The following ADAMTS16 variants were observed in gnomAD, a reference collection of about 807,000 sequenced individuals.
ADAMTS16 encodes ADAM metallopeptidase with thrombospondin type 1 motif 16.
In ADAMTS16, 94 loss-of-function variants were observed where a neutral mutation model predicts 145.8. The observed-to-expected ratio is 0.64, with a 90% CI of 0.55 to 0.77. ADAMTS16 has a LOEUF of 0.77. Among genes scored for constraint, ADAMTS16 ranks in the 30% least tolerant of loss-of-function variants. The probability of loss-of-function intolerance (pLI) is 0.00; values close to 1 mark genes in which losing one functional copy is unlikely to be tolerated. For missense variants in ADAMTS16, 1,585 were observed against 1,591.5 expected, an observed-to-expected ratio of 1.00 and a Z score of 0.07; for synonymous variants, 659 against 604.3, an observed-to-expected ratio of 1.09 and a Z score of -1.33.
intron 18 of ADAMTS16, among the ~76,000 whole-genome samples, chr5:5,301,806 C>T (rs945971961): frequency 1.1e-4 from 17 of 152,142 alleles, no homozygotes; most frequent in African/African-American, 3.4e-4. Context: ...TCAGCAATGC[C>T]GTAGAGTGGA....
rs1167518351 is a variant in ADAMTS16, at chr5:5,317,288, G to C, written c.3412-846G>C. ...GGATAACTTGTAGGTAACTTTATTG[G>C]CAGGGGGATCTAAGTTTGTTCTTCC... On this transcript the variant is annotated intron_variant, in intron 21 of 22. Coordinates refer to ENST00000274181, the MANE Select transcript of ADAMTS16 (RefSeq NM_139056.4). This position sits in a 1 kb window ranked among gnomAD's most constrained non-coding sequence, Gnocchi z 4.5. Among the ~76,000 whole-genome samples the C allele has an allele frequency of 6.6e-6, 1 of 152,174 alleles. No homozygotes were observed. The highest frequency in any genetic ancestry group is 1.5e-5 in the Non-Finnish European group (1 of 68,044).
chr5:5,300,776 G>C (rs536397019), intron 18 of ADAMTS16, among the ~76,000 whole-genome samples: 51 of 152,222 alleles, frequency 3.4e-4, no homozygotes, highest in African/African-American at 1.2e-3. Context: ...CCAAACCTTG[G>C]CTCTAAAATT....
At position 5,212,300 on chromosome 5, in the gene ADAMTS16, C is replaced by T. The variant is rs575577533; in HGVS notation, c.1605+3054C>T. ...TTGGCTCACTGCAAGCTCTGCCTCCCGGGTTCACGCCATTCTCCTGCCTCA... is the reference window on the plus strand; with the variant it reads ...TTGGCTCACTGCAAGCTCTGCCTCCTGGGTTCACGCCATTCTCCTGCCTCA... On this transcript the variant is annotated intron_variant, in intron 10 of 22. Transcript: ENST00000274181. Among the ~76,000 whole-genome samples, 11 of 151,510 alleles carry T rather than the reference C, an allele frequency of 7.3e-5. No homozygotes were observed. In the East Asian group the frequency reaches 9.7e-4, roughly 13 times the overall value.
At chr5:5,142,080 A>T (rs79023104) in intron 2 of ADAMTS16, 1 of 143,174 alleles carries the variant, frequency 7.0e-6, no homozygotes, top group East Asian at 2.0e-4. Context: ...AAAAAAAAAA[A>T]TTCTAGTTCC....
At chr5:5,189,752 A>G (rs111749689) in intron 6 of ADAMTS16, among the ~76,000 whole-genome samples, 2 of 152,310 alleles carry the variant, frequency 1.3e-5, no homozygotes, top group African/African-American at 4.8e-5. Context: ...ATACATTTCA[A>G]TTGTTTATGT....
rs368078228 is a variant in ADAMTS16, at chr5:5,192,525, G to A, written c.1313+735G>A. ...TCCAAGCAAGAGTTTGGAAGAGTGG[G>A]TACTGACAAGAGATCAGGCAGGCCT... On this transcript the variant is annotated intron_variant, in intron 8 of 22. Coordinates refer to ENST00000274181, the MANE Select transcript of ADAMTS16 (RefSeq NM_139056.4). Among the ~76,000 whole-genome samples, 10 of 152,136 alleles carry A rather than the reference G, an allele frequency of 6.6e-5. No homozygotes were observed. In the East Asian group the frequency reaches 9.6e-4, roughly 15 times the overall value.
chr5:5,279,484 T>C (rs552681822), intron 18 of ADAMTS16, among the ~76,000 whole-genome samples: 108 of 152,294 alleles, frequency 7.1e-4, no homozygotes, highest in African/African-American at 2.5e-3. Flanking sequence ...TCTTACGTGC[T>C]TTAATGGCTT....
intron 3 of ADAMTS16, among the ~76,000 whole-genome samples, chr5:5,166,668 G>A (rs1734892676): frequency 6.6e-6 from 1 of 152,180 alleles, no homozygotes; most frequent in Non-Finnish European, 1.5e-5. Flanking sequence ...AGCTCTCTGA[G>A]GAAGAAGATG....
intron 10 of ADAMTS16, 115 bp from the exon 11 acceptor site, chr5:5,222,674 A>T: frequency 1.2e-6 from 1 of 810,210 alleles, no homozygotes; most frequent in Middle Eastern, 2.8e-4. Context: ...CTAAGTAGGC[A>T]TTCGCTTGTA....
intron 9 of ADAMTS16, among the ~76,000 whole-genome samples, chr5:5,202,385 T>A (rs1254170987): frequency 1.3e-5 from 2 of 152,132 alleles, no homozygotes; most frequent in Non-Finnish European, 2.9e-5. Flanking sequence ...TAAAAAAAAA[T>A]TATATTACCA....
chr5:5,233,624 G>A (rs112438623), intron 12 of ADAMTS16, among the ~76,000 whole-genome samples: 2 of 152,240 alleles, frequency 1.3e-5, no homozygotes, highest in South Asian at 4.1e-4. Context: ...AGCTTATTAA[G>A]GATAAAGGTC....
At position 5,197,182 on chromosome 5, in the gene ADAMTS16, T is replaced by C. The variant is rs545407278; in HGVS notation, c.1314-2950T>C. ...AATGTCTCATGTCCTTAACCACTACTGTCTGAACAGCCTGAAATAAGTGAT... is the reference window on the plus strand; with the variant it reads ...AATGTCTCATGTCCTTAACCACTACCGTCTGAACAGCCTGAAATAAGTGAT... On this transcript the variant is annotated intron_variant, in intron 8 of 22. Coordinates refer to ENST00000274181, the MANE Select transcript of ADAMTS16 (RefSeq NM_139056.4). 3.3e-5 allele frequency among the ~76,000 whole-genome samples: 5 copies of C among 152,362 alleles called. No individual in the cohort carries two copies. In the East Asian group the frequency reaches 9.6e-4, roughly 29 times the overall value.
chr5:5,243,161 T>G (rs1579336767), intron 17 of ADAMTS16, among the ~76,000 whole-genome samples: 1 of 152,142 alleles, frequency 6.6e-6, no homozygotes, highest in Non-Finnish European at 1.5e-5. Context: ...TAACAAAAAG[T>G]TTAAATAGTC....
intron 21 of ADAMTS16, 69 bp downstream of exon 21, chr5:5,306,797 CG>C (rs781573409): frequency 2.8e-6 from 4 of 1,409,924 alleles, no homozygotes; most frequent in Non-Finnish European, 3.8e-6. Flanking sequence ...CGCTGGCTCC[CG>C]GGGATGCTTC....
At chr5:5,188,573 A>C (rs187181800) in intron 6 of ADAMTS16, among the ~76,000 whole-genome samples, 1 of 152,322 alleles carries the variant, frequency 6.6e-6, no homozygotes, top group East Asian at 1.9e-4. Flanking sequence ...GACAGGAGCC[A>C]AGAGCCCAGC....
At chr5:5,160,399 T>C (rs1405245644) in intron 3 of ADAMTS16, among the ~76,000 whole-genome samples, 1 of 152,180 alleles carries the variant, frequency 6.6e-6, no homozygotes, top group East Asian at 1.9e-4. Context: ...AGTGGTGGGC[T>C]CATGCAGTCT....
At position 5,182,147 on chromosome 5, in the gene ADAMTS16, A is replaced by T; in HGVS notation, c.605A>T (p.His202Leu). The change falls in exon 4 of 23, where the codon CAC (histidine) becomes CTC (leucine). Residue 202 changes from histidine to leucine, a missense_variant. Around this residue, in one of 3 missense-constraint regions of ADAMTS16, gnomAD observed 453 missense variants for 412.1 expected, o/e 1.10. Coordinates refer to ENST00000274181, the MANE Select transcript of ADAMTS16 (RefSeq NM_139056.4). ...GCTGCCCAAGGCAGCTCGCCATCCC[A>T]CGTACTGTACAAGAGATCCACAGAG... The part of the protein sequence containing the change: ...GRAAQGSSPS[H>L]VLYKRSTEPH... 1 of 1,613,982 alleles carries T rather than the reference A, an allele frequency of 6.2e-7. No individual in the cohort carries two copies. Among genetic ancestry groups the T allele is most frequent in the Non-Finnish European group, 8.5e-7 (1 of 1,179,978 alleles).
intron 17 of ADAMTS16, among the ~76,000 whole-genome samples, chr5:5,257,534 C>T (rs568034798): frequency 3.3e-4 from 51 of 152,284 alleles, no homozygotes; most frequent in Admixed American, 1.1e-3. Context: ...GTAATGCAAA[C>T]GGCAATGTAA....
chr5:5,140,620 C>T, intron 1 of ADAMTS16, 44 bp from the exon 2 acceptor site: 3 of 1,526,294 alleles, frequency 2.0e-6, no homozygotes, highest in Non-Finnish European at 1.8e-6. Context: ...TCCTCTCCCG[C>T]GGACCCCGCC....
Sources: allele counts gnomAD v4.1 joint callset (sites outside exome capture counted in the v4.1 genomes callset), GRCh38; gene constraint gnomAD v4.1.1; regional missense constraint gnomAD v4.1.1; non-coding constraint Gnocchi (gnomAD v3.1); transcripts MANE v1.5; gene names NCBI Gene and HGNC (gene_info 2026-07-23, HGNC 2026-07-21).